LIMA1: variants seen among roughly 807,000 people sequenced by gnomAD.
The protein encoded by LIMA1 is LIM domain and actin binding 1, also known as LIM domain and actin-binding protein 1.
A neutral mutation model predicts 62.6 loss-of-function variants in LIMA1; 52 were observed. The observed-to-expected ratio is 0.83, with a 90% CI of 0.67 to 1.05. The LOEUF is 1.05. Among genes scored for constraint, LIMA1 ranks in the 50% least tolerant of loss-of-function variants. LIMA1 has a pLI of 0.00. For synonymous variants in LIMA1, 302 were observed against 317.8 expected (o/e 0.95, Z 0.53); for missense variants, 780 against 902.2 (o/e 0.86, Z 1.74).
intron 1 of LIMA1, among the ~76,000 whole-genome samples, chr12:50,251,731 C>T (rs976640376): frequency 2.6e-5 from 4 of 151,908 alleles, no homozygotes; most frequent in East Asian, 1.9e-4. Flanking sequence ...AGTCTAAGTC[C>T]GTGGTTTTGA....
chr12:50,232,337 C>T (rs535212466), intron 2 of LIMA1, among the ~76,000 whole-genome samples: 5 of 151,290 alleles, frequency 3.3e-5, no homozygotes, highest in African/African-American at 9.7e-5. Flanking sequence ...ATTGAGATTA[C>T]AGGCATGAGC....
chr12:50,184,546 G>C (rs1462069698), intron 9 of LIMA1, among the ~76,000 whole-genome samples: 4 of 152,254 alleles, frequency 2.6e-5, no homozygotes, highest in Non-Finnish European at 4.4e-5. Flanking sequence ...AGAGGCTGAG[G>C]CACAAGAATC....
At chr12:50,268,043 A>G (rs749903951) in intron 1 of LIMA1, among the ~76,000 whole-genome samples, 3 of 152,096 alleles carry the variant, frequency 2.0e-5, no homozygotes, top group Admixed American at 1.3e-4. Flanking sequence ...TCTGAATATC[A>G]TGTGTAACTC....
intron 4 of LIMA1, chr12:50,217,664 T>C: frequency 4.6e-6 from 1 of 219,240 alleles, no homozygotes; most frequent in Non-Finnish European, 9.3e-6. Context: ...CTTCATGACC[T>C]TGATTTCTGG....
chr12:50,190,617 T>G (rs1940740036), intron 9 of LIMA1, among the ~76,000 whole-genome samples: 1 of 143,872 alleles, frequency 7.0e-6, no homozygotes, highest in Admixed American at 7.1e-5. Context: ...CGACCTCAGG[T>G]GATCCGCCCG....
intron 5 of LIMA1, among the ~76,000 whole-genome samples, chr12:50,204,988 AAGAAAATC>A (rs1221596375): frequency 6.6e-6 from 1 of 152,226 alleles, no homozygotes; most frequent in East Asian, 1.9e-4. Flanking sequence ...AAGCACGAAG[AAGAAAATC>A]AGGAATATAA....
At chr12:50,193,486 GTATA>G (rs1213207204) in intron 8 of LIMA1, among the ~76,000 whole-genome samples, 1 of 128,710 alleles carries the variant, frequency 7.8e-6, no homozygotes, top group Admixed American at 8.3e-5. Context: ...TATATATATA[GTATA>G]TATATATCAT....
Position 50,222,348 on chromosome 12 carries a change from T to G in LIMA1, c.303A>C (p.Ala101=). 1.2e-6 allele frequency: 2 copies of G among 1,614,182 alleles called. No individual in the cohort carries two copies. The highest frequency in any genetic ancestry group is 1.7e-6 in the Non-Finnish European group (2 of 1,180,032). The part of the protein sequence containing the change: ...RNSSTEIRHR[A]DHPPAEVTSH... The stretch of plus-strand genomic sequence containing the variant: ...TTGTCACTTCAGCAGGAGGATGGTC[T>G]GCTCTGTGCCTAATCTCAGTGCTGC... Residue 101 remains alanine, a synonymous_variant, in exon 4 of 11, where the codon GCA becomes GCC. Transcript: ENST00000341247.
At chr12:50,216,110 A>G (rs1013969074) in intron 4 of LIMA1, among the ~76,000 whole-genome samples, 1 of 152,054 alleles carries the variant, frequency 6.6e-6, no homozygotes, top group Non-Finnish European at 1.5e-5. Flanking sequence ...TATCTTTTTC[A>G]TAAAAGGCTG....
intron 3 of LIMA1, among the ~76,000 whole-genome samples, chr12:50,230,634 T>C (rs1411718472): frequency 1.3e-5 from 2 of 152,096 alleles, no homozygotes; most frequent in East Asian, 1.9e-4. Context: ...TGGAGTGCAG[T>C]TGCGTGATCT....
At chr12:50,210,003 A>C (rs1382008936) in intron 4 of LIMA1, among the ~76,000 whole-genome samples, 1 of 152,176 alleles carries the variant, frequency 6.6e-6, no homozygotes, top group African/African-American at 2.4e-5. Context: ...TTATTTGCTG[A>C]TCATTAAAAT....
intron 10 of LIMA1, among the ~76,000 whole-genome samples, chr12:50,181,681 T>A (rs1363316368): frequency 1.3e-5 from 2 of 152,212 alleles, no homozygotes; most frequent in African/African-American, 4.8e-5. Context: ...TATTTAAGCT[T>A]CGGTCCTAAC....
At chr12:50,200,165 G>A (rs1941015227) in intron 7 of LIMA1, among the ~76,000 whole-genome samples, 1 of 152,106 alleles carries the variant, frequency 6.6e-6, no homozygotes, top group African/African-American at 2.4e-5. Context: ...AAAGTGCTGG[G>A]ATTACAGGCG....
chr12:50,239,639 C>CA (rs1941745156), intron 2 of LIMA1, among the ~76,000 whole-genome samples: 2 of 151,416 alleles, frequency 1.3e-5, no homozygotes, highest in South Asian at 2.1e-4. Flanking sequence ...GACTCTGTCT[C>CA]AAAAAACAAA....
At chr12:50,240,144 A>G (rs1369798506) in intron 2 of LIMA1, among the ~76,000 whole-genome samples, 1 of 152,138 alleles carries the variant, frequency 6.6e-6, no homozygotes, top group African/African-American at 2.4e-5. Flanking sequence ...GAAGTTAGCC[A>G]GACAAAAGGA....
intron 1 of LIMA1, among the ~76,000 whole-genome samples, chr12:50,267,370 C>A (rs1942152025): frequency 6.6e-6 from 1 of 151,794 alleles, no homozygotes; most frequent in Non-Finnish European, 1.5e-5. Flanking sequence ...CGCACCCGGT[C>A]ACGCCCAGCT....
intron 8 of LIMA1, among the ~76,000 whole-genome samples, 183 bp from the exon 9 acceptor site, chr12:50,192,744 G>C (rs973323859): frequency 6.6e-6 from 1 of 152,126 alleles, no homozygotes; most frequent in African/African-American, 2.4e-5. Context: ...GTATTCTCTG[G>C]TCCTGTCAGA....
At position 50,268,594 on chromosome 12, in the gene LIMA1, A is replaced by AATTATTATTATTATTATTATT. The variant is rs140101130; in HGVS notation, c.-24+14805_-24+14825dup. Among the ~76,000 whole-genome samples the AATTATTATTATTATTATTATT allele has an allele frequency of 5.5e-4, 82 of 149,262 alleles. No homozygotes were observed. In the South Asian group the frequency reaches 0.014, roughly 25 times the overall value. The stretch of plus-strand genomic sequence containing the variant: ...CTTAATTCTTACACTGCCATGAAGC[A>AATTATTATTATTATTATTATT]ATTATTATTATTATTATTATTATTG... On this transcript the variant is annotated intron_variant, in intron 1 of 10. Coordinates refer to ENST00000341247, the MANE Select transcript of LIMA1 (RefSeq NM_016357.5).
intron 8 of LIMA1, among the ~76,000 whole-genome samples, chr12:50,193,168 G>A (rs1029827667): frequency 1.1e-4 from 17 of 152,026 alleles, no homozygotes; most frequent in African/African-American, 4.1e-4. Context: ...AAATGAAGAG[G>A]TGAGTCAACA....
Sources: gnomAD v4.1 joint callset for allele counts (sites outside exome capture counted in the v4.1 genomes callset) on GRCh38, gnomAD v4.1.1 for gene constraint, MANE v1.5 for transcripts, NCBI Gene and HGNC (gene_info 2026-07-23, HGNC 2026-07-21) for gene names.